The following L2HGDH variants were observed in gnomAD, a reference collection of about 807,000 sequenced individuals.
The protein encoded by L2HGDH is L-2-hydroxyglutarate dehydrogenase.
A neutral mutation model predicts 51.5 loss-of-function variants in L2HGDH; 34 were observed. That is an observed-to-expected ratio of 0.66 (90% CI 0.50 to 0.88). The LOEUF (loss-of-function observed/expected upper bound fraction) is 0.88, where lower values mean the gene tolerates loss of function less well. L2HGDH is among the 40% of genes least tolerant of loss of function. L2HGDH has a pLI of 0.00. For missense variants in L2HGDH, 558 were observed against 571.9 expected (o/e 0.98, Z 0.25); for synonymous variants, 198 against 197.9 (o/e 1.00, Z -0.01).
intron 4 of L2HGDH, among the ~76,000 whole-genome samples, chr14:50,292,442 C>T (rs986975879): frequency 2.6e-5 from 4 of 152,248 alleles, no homozygotes; most frequent in Non-Finnish European, 4.4e-5. Context: ...GCCAGGCGCT[C>T]ACGCCTGTAA....
Position 50,247,335 on chromosome 14 carries a change from C to T in L2HGDH, c.1197-82G>A. ...TCAGCGTTTCCAAAAAGTCTTAAAG[C>T]AATAAAGTATTCTTCTAAATGCACA... On this transcript the variant is annotated intron_variant, in intron 9 of 9. Transcript: ENST00000267436. 1.9e-6 allele frequency: 3 copies of T among 1,548,852 alleles called. No individual in the cohort carries two copies. In the South Asian group the frequency reaches 3.6e-5, roughly 19 times the overall value.
chr14:50,247,477 G>A (rs908032680), intron 9 of L2HGDH, among the ~76,000 whole-genome samples: 2 of 152,260 alleles, frequency 1.3e-5, no homozygotes, highest in South Asian at 2.1e-4. Flanking sequence ...TGTAACAAAC[G>A]CTTATCAAAG....
chr14:50,290,686 T>C (rs1409129525), intron 4 of L2HGDH, among the ~76,000 whole-genome samples: 1 of 151,986 alleles, frequency 6.6e-6, no homozygotes. Flanking sequence ...TTTTTTGAGA[T>C]GGAGTCTCTC....
Position 50,311,707 on chromosome 14 carries a change from A to T in L2HGDH, c.140+304T>A, listed in dbSNP as rs2275590. Among the ~76,000 whole-genome samples the T allele has an allele frequency of 6.2e-4, 95 of 152,340 alleles. No individual in the cohort carries two copies. The East Asian group carries it at 0.014, about 23-fold the overall frequency. ...CACCTACAGGAGAGACTAAGGTCCA[A>T]TTCACAACTGAGCCTTTAAGGAGGT... is the stretch of plus-strand genomic sequence containing the variant. On this transcript the variant is annotated intron_variant, in intron 1 of 9. Transcript: ENST00000267436.
intron 6 of L2HGDH, among the ~76,000 whole-genome samples, chr14:50,275,623 A>C (rs78262502): frequency 0.043 from 6,613 of 152,264 alleles, 206 homozygotes; most frequent in African/African-American, 0.088. Context: ...CATCACCCTG[A>C]AGCCACTGGG....
intron 9 of L2HGDH, among the ~76,000 whole-genome samples, chr14:50,255,428 C>T (rs1264940326): frequency 1.3e-5 from 2 of 150,402 alleles, no homozygotes; most frequent in Non-Finnish European, 3.0e-5. Context: ...CCCAGCTACT[C>T]GGGAGGCTGA....
intron 9 of L2HGDH, among the ~76,000 whole-genome samples, chr14:50,262,938 A>C (rs932926625): frequency 2.0e-5 from 3 of 152,214 alleles, no homozygotes; most frequent in Non-Finnish European, 2.9e-5. Context: ...ACCTGCCTGC[A>C]GTGCTGTGCC....
chr14:50,243,029 C>T lies in L2HGDH; in HGVS notation c.*4029G>A. 1 of 985,434 alleles carries T rather than the reference C, an allele frequency of 1.0e-6. No homozygotes were observed. Among genetic ancestry groups the T allele is most frequent in the Non-Finnish European group, 1.2e-6 (1 of 829,942 alleles). The allele number at this position is 985,434 out of a possible 1,614,324, so 61.0% of individuals were successfully genotyped here. A position where few individuals can be genotyped will look rare whatever the true frequency, so the allele number is the denominator to read the frequency against. On this transcript the variant is annotated 3_prime_UTR_variant, in exon 10 of 10. Coordinates refer to ENST00000267436, the MANE Select transcript of L2HGDH (RefSeq NM_024884.3). Reference sequence around the variant, plus strand: ...CAGTATACCCCATTCTCACCACCATCCTTTGAAGAAAGTTCTAAGAGTTAA... The same window carrying T: ...CAGTATACCCCATTCTCACCACCATTCTTTGAAGAAAGTTCTAAGAGTTAA...
intron 4 of L2HGDH, among the ~76,000 whole-genome samples, chr14:50,286,062 G>C (rs1890547077): frequency 1.3e-5 from 2 of 152,166 alleles, no homozygotes. Flanking sequence ...CCAGGAGGTT[G>C]GGCATGAACT....
rs1259640985 is a variant in L2HGDH, at chr14:50,246,310, CCG to C, written c.*746_*747del. 6.6e-6 allele frequency: 1 copy of C among 151,848 alleles called. No individual in the cohort carries two copies. Among genetic ancestry groups the C allele is most frequent in the Non-Finnish European group, 1.5e-5 (1 of 68,084 alleles). The allele number at this position is 151,848 out of a possible 1,614,324, so 9.4% of individuals were successfully genotyped here. A position where few individuals can be genotyped will look rare whatever the true frequency, so the allele number is the denominator to read the frequency against. On this transcript the variant is annotated 3_prime_UTR_variant, in exon 10 of 10. Coordinates refer to ENST00000267436, the MANE Select transcript of L2HGDH (RefSeq NM_024884.3). ...CACAGCTCACTGTAGCCTTGATCTC[CCG>C]GGCTCAAGCGATCCTCCTGCCTCAG...
chr14:50,292,400 G>C (rs768180745), intron 4 of L2HGDH, among the ~76,000 whole-genome samples: 1 of 152,224 alleles, frequency 6.6e-6, no homozygotes, highest in Non-Finnish European at 1.5e-5. Context: ...TACTCTACCA[G>C]ATATTCAGGC....
At chr14:50,266,298 A>G (rs1333119938) in intron 8 of L2HGDH, among the ~76,000 whole-genome samples, 7 of 152,226 alleles carry the variant, frequency 4.6e-5, no homozygotes, top group Admixed American at 1.3e-4. Flanking sequence ...AGGGTATGAA[A>G]GAAATGGGAC....
chr14:50,263,341 AG>A (rs1889145430), intron 9 of L2HGDH, among the ~76,000 whole-genome samples: 1 of 152,260 alleles, frequency 6.6e-6, no homozygotes, highest in South Asian at 2.1e-4. Flanking sequence ...CTTCTATTTC[AG>A]AAGGTGAGTA....
At chr14:50,252,100 A>G (rs1397371374) in intron 9 of L2HGDH, among the ~76,000 whole-genome samples, 6 of 102,724 alleles carry the variant, frequency 5.8e-5, no homozygotes, top group Non-Finnish European at 1.0e-4. Flanking sequence ...TATAAAGAGA[A>G]AAAAAAAAAA....
chr14:50,302,967 G>A lies in L2HGDH; in HGVS notation c.191C>T (p.Ala64Val), dbSNP rs2030501759. Residue 64 changes from alanine to valine, a missense_variant, in exon 2 of 10, where the codon GCC becomes GTC. Physicochemically the swap from Ala to Val is moderately conservative, Grantham distance 64. Transcript: ENST00000267436. Reference sequence around the variant, plus strand: ...TGGATGTCGCAGGATGAGTGCTCTGGCAGAGGCAAGCCCCACAATTCCGCC... The same window carrying A: ...TGGATGTCGCAGGATGAGTGCTCTGACAGAGGCAAGCCCCACAATTCCGCC... ...VGGGIVGLASARALILRHPSL... is the reference protein window; with the variant it reads ...VGGGIVGLASVRALILRHPSL... 1.2e-6 allele frequency: 2 copies of A among 1,613,936 alleles called. No homozygotes were observed. Among genetic ancestry groups the A allele is most frequent in the African/African-American group, 1.3e-5 (1 of 75,014 alleles).
intron 6 of L2HGDH, among the ~76,000 whole-genome samples, chr14:50,269,893 C>A (rs1889570665): frequency 6.6e-6 from 1 of 152,126 alleles, no homozygotes; most frequent in South Asian, 2.1e-4. Flanking sequence ...AAGTTATTAC[C>A]TATTGATAAT....
At chr14:50,292,054 TGA>T (rs1249565264) in intron 4 of L2HGDH, among the ~76,000 whole-genome samples, 2 of 152,158 alleles carry the variant, frequency 1.3e-5, no homozygotes, top group Non-Finnish European at 2.9e-5. Context: ...ATACTATTAA[TGA>T]GAGTATCAGA....
At chr14:50,269,682 T>C (rs902228376) in intron 6 of L2HGDH, among the ~76,000 whole-genome samples, 3 of 152,164 alleles carry the variant, frequency 2.0e-5, no homozygotes, top group African/African-American at 7.2e-5. Flanking sequence ...AACTATTTGC[T>C]GCATGAGGAA....
chr14:50,304,970 A>C (rs1245316838), intron 1 of L2HGDH, among the ~76,000 whole-genome samples: 2 of 152,218 alleles, frequency 1.3e-5, no homozygotes, highest in Non-Finnish European at 2.9e-5. Context: ...GAAATTTCAG[A>C]GATTAGGCCC....
Sources: allele counts gnomAD v4.1 joint callset (sites outside exome capture counted in the v4.1 genomes callset), GRCh38; gene constraint gnomAD v4.1.1; transcripts MANE v1.5; gene names NCBI Gene and HGNC (gene_info 2026-07-23, HGNC 2026-07-21).